ALPK3: variants seen among roughly 807,000 people sequenced by gnomAD.
ALPK3 encodes alpha kinase 3.
In ALPK3, 102 loss-of-function variants were observed where a neutral mutation model predicts 140.0. The ratio of observed to expected loss-of-function variants is 0.73; its 90% CI spans 0.62 to 0.86. The LOEUF is 0.86. ALPK3 is among the 40% of genes least tolerant of loss of function. The pLI, the probability that ALPK3 is intolerant of heterozygous loss-of-function variation, is 0.00. For missense variants in ALPK3, 2,254 were observed against 2,208.2 expected (o/e 1.02, Z -0.42); for synonymous variants, 938 against 898.5 (o/e 1.04, Z -0.79).
chr15:84,859,215 TC>T, intron 6 of ALPK3, 27 bp from the exon 7 acceptor site: 1 of 1,613,192 alleles, frequency 6.2e-7, no homozygotes, highest in Non-Finnish European at 8.5e-7. Flanking sequence ...GAGGTGGTGT[TC>T]CCCTCTTGAC....
Position 84,840,506 on chromosome 15 carries a change from G to A in ALPK3, c.1227G>A (p.Gln409=). The A allele has an allele frequency of 6.2e-7, 1 of 1,612,084 alleles. No individual in the cohort carries two copies. Among genetic ancestry groups the A allele is most frequent in the African/African-American group, 1.3e-5 (1 of 74,912 alleles). ...AQKAPGPGPG[Q]EVYFSLKDMY... ...AGGCCCCTGGCCCAGGCCCAGGCCA[G>A]GAAGTGTATTTCTCCTTGAAGGACA... Residue 409 remains glutamine, a synonymous_variant, in exon 5 of 14, where the codon CAG becomes CAA. Coordinates refer to ENST00000258888, the MANE Select transcript of ALPK3 (RefSeq NM_020778.5).
Position 84,856,848 on chromosome 15 carries a change from A to C in ALPK3, c.2110A>C (p.Met704Leu). The C allele has an allele frequency of 6.2e-7, 1 of 1,614,076 alleles. No homozygotes were observed. The highest frequency in any genetic ancestry group is 8.5e-7 in the Non-Finnish European group (1 of 1,180,024). ...CAGAAGGATGCAGGGAGAGAAGGGG[A>C]TGCAGGGAGAGAAGGGGACGCAGTC... The part of the protein sequence containing the change: ...EDRRMQGEKG[M>L]QGEKGTQSEG... The change falls in exon 6 of 14, where the codon ATG (methionine) becomes CTG (leucine). Residue 704 changes from methionine to leucine, a missense_variant. Transcript: ENST00000258888.
intron 3 of ALPK3, among the ~76,000 whole-genome samples, chr15:84,833,560 T>C (rs892663662): frequency 6.6e-6 from 1 of 152,188 alleles, no homozygotes; most frequent in Non-Finnish European, 1.5e-5. Context: ...TCTTGGCTTG[T>C]CTCCAGAGTG....
Position 84,840,061 on chromosome 15 carries a change from C to G in ALPK3, c.782C>G (p.Ser261Ter). 6.2e-7 allele frequency: 1 copy of G among 1,614,100 alleles called. No homozygotes were observed. Among genetic ancestry groups the G allele is most frequent in the Non-Finnish European group, 8.5e-7 (1 of 1,180,014 alleles). The change falls in exon 5 of 14, where the codon TCA (serine) becomes TGA (stop). Residue 261 changes from serine (S) to a stop codon, truncating the protein, a stop_gained. Transcript: ENST00000258888. LOFTEE classifies it high-confidence loss of function. ...GGAGAGACTGAGACTGCTCAGCACT[C>G]AGGTTTGGGCCTGATCAACAGTTTT... ...QEGETETAQH[S>*]GLGLINSFAS...
intron 1 of ALPK3, among the ~76,000 whole-genome samples, chr15:84,821,796 C>T (rs55636125): frequency 6.6e-6 from 1 of 152,238 alleles, no homozygotes; most frequent in East Asian, 1.9e-4. Flanking sequence ...CAGCACTGCA[C>T]TAGGAGCCAC....
chr15:84,854,191 A>G (rs149659871), intron 5 of ALPK3, among the ~76,000 whole-genome samples: 2 of 151,294 alleles, frequency 1.3e-5, no homozygotes, highest in Non-Finnish European at 1.5e-5. Context: ...TTTCAGTTTT[A>G]TATAATACCA....
intron 2 of ALPK3, among the ~76,000 whole-genome samples, chr15:84,826,380 C>T (rs1215172422): frequency 6.6e-6 from 1 of 152,052 alleles, no homozygotes; most frequent in Non-Finnish European, 1.5e-5. Flanking sequence ...AATGATGTGT[C>T]TTTCTCACTA....
In ALPK3 at chr15:84,868,786, A is replaced by T; in HGVS notation, c.*330A>T. 2.9e-6 allele frequency: 1 copy of T among 344,036 alleles called. No individual in the cohort carries two copies. Among genetic ancestry groups the T allele is most frequent in the Non-Finnish European group, 5.4e-6 (1 of 183,996 alleles). 21.3% of individuals were successfully genotyped at this position (344,036 alleles called of 1,614,324 possible). On this transcript the variant is annotated 3_prime_UTR_variant, in exon 14 of 14. Coordinates refer to ENST00000258888, the MANE Select transcript of ALPK3 (RefSeq NM_020778.5). ...GAGGCTCCCCTGAGTCCTCTGCATG[A>T]GTTCTGCACCCCAAGCCCTTGCCCC...
chr15:84,856,050 C>T lies in ALPK3; in HGVS notation c.1654-342C>T, dbSNP rs144064596. On this transcript the variant is annotated intron_variant, in intron 5 of 13. Transcript: ENST00000258888. The stretch of plus-strand genomic sequence containing the variant: ...GCCCTGGGGAGAGGACAGTCTCCTT[C>T]ATATGGTAGGGGTGAGGGGTGGAAT... Among the ~76,000 whole-genome samples, 896 of 152,236 alleles carry T rather than the reference C, an allele frequency of 5.9e-3. 7 individuals are homozygous for T. The highest frequency in any genetic ancestry group is 0.034 in the Middle Eastern group (10 of 294).
chr15:84,857,169 G>A lies in ALPK3; in HGVS notation c.2431G>A (p.Glu811Lys), dbSNP rs35633849. ...PAQPPHEGSVEQVGGERCRGP... is the reference protein window; with the variant it reads ...PAQPPHEGSVKQVGGERCRGP... ...ACAGCCGCCCCATGAGGGGAGTGTG[G>A]AGCAGGTGGGAGGAGAGAGATGCCG... The change falls in exon 6 of 14, where the codon GAG becomes AAG. Residue 811 changes from glutamate (E) to lysine (K), a missense_variant. Glu to Lys is a moderately conservative substitution (Grantham distance 56). Transcript: ENST00000258888. The A allele has an allele frequency of 3.3e-3, 5,317 of 1,614,056 alleles. 137 individuals are homozygous for A. The African/African-American group carries it at 0.058, about 18-fold the overall frequency.
At chr15:84,861,871 A>T in intron 9 of ALPK3, among the ~76,000 whole-genome samples, 1 of 152,186 alleles carries the variant, frequency 6.6e-6, no homozygotes, top group East Asian at 1.9e-4. Flanking sequence ...TTGTTGTTGC[A>T]ACTATGAATA....
At position 84,871,123 on chromosome 15, in the gene ALPK3, C is replaced by G. The variant is rs1185474202; in HGVS notation, c.*2667C>G. 1 of 152,644 alleles carries G rather than the reference C, an allele frequency of 6.6e-6. No individual in the cohort carries two copies. The highest frequency in any genetic ancestry group is 2.4e-5 in the African/African-American group (1 of 41,446). 9.5% of individuals were successfully genotyped at this position (152,644 alleles called of 1,614,324 possible). On this transcript the variant is annotated 3_prime_UTR_variant, in exon 14 of 14. Transcript: ENST00000258888. ...ACCATATTCAACCAAAATTGTATAA[C>G]CCAGCAAGAATGGAAGAATGGGTAA...
chr15:84,823,536 A>C (rs2141546216), intron 2 of ALPK3, among the ~76,000 whole-genome samples, 168 bp downstream of exon 2: 1 of 152,202 alleles, frequency 6.6e-6, no homozygotes, highest in Middle Eastern at 3.4e-3. Flanking sequence ...CATGGCTCTC[A>C]CAGGGGGCCA....
intron 5 of ALPK3, among the ~76,000 whole-genome samples, chr15:84,853,359 T>C (rs746615239): frequency 7.9e-5 from 12 of 152,230 alleles, no homozygotes; most frequent in Admixed American, 1.3e-4. Flanking sequence ...ATGCCTATAA[T>C]TCCAGCACTT....
At position 84,840,733 on chromosome 15, in the gene ALPK3, C is replaced by A. The variant is rs751233026; in HGVS notation, c.1454C>A (p.Pro485His). 1.9e-6 allele frequency: 3 copies of A among 1,613,826 alleles called. No individual in the cohort carries two copies. Among genetic ancestry groups the A allele is most frequent in the Non-Finnish European group, 2.5e-6 (3 of 1,179,942 alleles). The change falls in exon 5 of 14, where the codon CCT becomes CAT. Residue 485 changes from proline to histidine, a missense_variant. By Grantham distance (77) the Pro-to-His change is moderately conservative. Around this residue, in one of 3 missense-constraint regions of ALPK3, gnomAD observed 2,088 missense variants for 2,022.9 expected, o/e 1.03. Coordinates refer to ENST00000258888, the MANE Select transcript of ALPK3 (RefSeq NM_020778.5). The part of the protein sequence containing the change: ...TRPFNRKRFA[P>H]PKPKGEATTD... ...CCTTTCAACAGAAAGAGATTTGCCC[C>A]TCCAAAGCCCAAAGGAGAGGCCACC...
Position 84,859,275 on chromosome 15 carries a change from C to A in ALPK3, c.3850C>A (p.Gln1284Lys), listed in dbSNP as rs1963909658. ...PQVIRKIRVEQFPDASGSLKL... is the reference protein window; with the variant it reads ...PQVIRKIRVEKFPDASGSLKL... ...GGTGATCCGGAAGATTCGGGTGGAGCAGTTTCCTGATGCCTCCGGTAGCCT... is the reference window on the plus strand; with the variant it reads ...GGTGATCCGGAAGATTCGGGTGGAGAAGTTTCCTGATGCCTCCGGTAGCCT... Residue 1284 changes from glutamine to lysine, a missense_variant, in exon 7 of 14, where the codon CAG (glutamine) becomes AAG (lysine). Gln to Lys is a moderately conservative substitution (Grantham distance 53, BLOSUM62 1). This residue lies in a region of ALPK3 where 2,088 missense variants were observed against 2,022.9 expected (regional missense o/e 1.03). Transcript: ENST00000258888. The A allele has an allele frequency of 6.2e-7, 1 of 1,614,190 alleles. No homozygotes were observed. The highest frequency in any genetic ancestry group is 8.5e-7 in the Non-Finnish European group (1 of 1,180,024).
chr15:84,858,657 C>A, intron 6 of ALPK3, 102 bp downstream of exon 6: 2 of 1,429,118 alleles, frequency 1.4e-6, no homozygotes, highest in Non-Finnish European at 1.8e-6. Flanking sequence ...ATAGCATATC[C>A]CTCCTCGGGA....
chr15:84,854,960 A>G (rs1963843921), intron 5 of ALPK3, among the ~76,000 whole-genome samples: 1 of 152,198 alleles, frequency 6.6e-6, no homozygotes, highest in African/African-American at 2.4e-5. Flanking sequence ...CTTTTGGTTG[A>G]CTACATTTGT....
chr15:84,865,002 T>G (rs1451527677), intron 12 of ALPK3, among the ~76,000 whole-genome samples: 1 of 152,160 alleles, frequency 6.6e-6, no homozygotes, highest in African/African-American at 2.4e-5. Flanking sequence ...CCTTCTTCCC[T>G]TCCCTGCAGC....
Sources: allele counts gnomAD v4.1 joint callset (sites outside exome capture counted in the v4.1 genomes callset), GRCh38; gene constraint gnomAD v4.1.1; regional missense constraint gnomAD v4.1.1; transcripts MANE v1.5; gene names NCBI Gene and HGNC (gene_info 2026-07-23, HGNC 2026-07-21).